ZNF330: variants seen among roughly 807,000 people sequenced by gnomAD.
ZNF330 encodes zinc finger protein 330.
ZNF330 carries 31 observed loss-of-function variants against 45.5 expected under a neutral mutation model. That is an observed-to-expected ratio of 0.68 (90% CI 0.51 to 0.92). ZNF330 has a LOEUF of 0.92. Ranked by LOEUF, ZNF330 falls within the 40% of genes least tolerant of loss-of-function variation. The pLI, the probability that ZNF330 is intolerant of heterozygous loss-of-function variation, is 0.00. For missense variants in ZNF330, 356 were observed against 387.4 expected, an observed-to-expected ratio of 0.92 and a Z score of 0.68; for synonymous variants, 138 against 123.2, an observed-to-expected ratio of 1.12 and a Z score of -0.79.
At chr4:141,231,401 C>T (rs1728951946) in intron 7 of ZNF330, 38 bp from the exon 8 acceptor site, 6 of 1,567,984 alleles carry the variant, frequency 3.8e-6, no homozygotes, top group Non-Finnish European at 5.2e-6. Context: ...TTCTAAGAAC[C>T]AAATAACGGG....
Position 141,220,992 on chromosome 4 carries a change from C to T in ZNF330, c.-123C>T, listed in dbSNP as rs1183147636. The stretch of plus-strand genomic sequence containing the variant: ...CCTTCTTTCCCGGAGTCCTGGTCCA[C>T]GAGTTGGATTTACTGCTGTCGCGGG... On this transcript the variant is annotated 5_prime_UTR_variant, in exon 1 of 10. It adds an upstream start codon to the 5' untranslated region. Coordinates refer to ENST00000262990, the MANE Select transcript of ZNF330 (RefSeq NM_014487.6). 1 of 152,358 alleles carries T rather than the reference C, an allele frequency of 6.6e-6. No homozygotes were observed. Among genetic ancestry groups the T allele is most frequent in the East Asian group, 1.9e-4 (1 of 5,194 alleles). 9.4% of individuals were successfully genotyped at this position (152,358 alleles called of 1,614,324 possible).
In ZNF330 at chr4:141,233,840, G is replaced by A. The variant is rs1298423118; in HGVS notation, c.814G>A (p.Glu272Lys). 2 of 1,613,764 alleles carry A rather than the reference G, an allele frequency of 1.2e-6. No individual in the cohort carries two copies. The highest frequency in any genetic ancestry group is 1.7e-6 in the Non-Finnish European group (2 of 1,179,798). ...TGATACCAGCTACCACGATGAGGAG[G>A]AGGATGAGTATGAAGCAGAGGATGA... The part of the protein sequence containing the change: ...YGDTSYHDEE[E>K]DEYEAEDDEE... Residue 272 changes from glutamate (E) to lysine (K), a missense_variant, in exon 10 of 10, where the codon GAG becomes AAG. By Grantham distance (56) the Glu-to-Lys change is moderately conservative. Coordinates refer to ENST00000262990, the MANE Select transcript of ZNF330 (RefSeq NM_014487.6).
chr4:141,224,770 C>A, intron 4 of ZNF330, 93 bp downstream of exon 4: 1 of 1,022,458 alleles, frequency 9.8e-7, no homozygotes, highest in Non-Finnish European at 1.5e-6. Context: ...GGTTACAGTG[C>A]TTACAATTGT....
At chr4:141,224,103 T>G (rs1033190513) in intron 2 of ZNF330, 3 of 294,000 alleles carry the variant, frequency 1.0e-5, no homozygotes, top group African/African-American at 6.6e-5. Context: ...ATGCATTATT[T>G]TAAGGGTCAC....
chr4:141,233,290 C>T (rs1293439158), intron 9 of ZNF330, among the ~76,000 whole-genome samples: 1 of 152,084 alleles, frequency 6.6e-6, no homozygotes, highest in East Asian at 1.9e-4. Flanking sequence ...ATCTTCTGCA[C>T]TGAACTTTGT....
intron 2 of ZNF330, chr4:141,223,996 G>T (rs1040146303): frequency 6.6e-6 from 2 of 303,160 alleles, no homozygotes; most frequent in Non-Finnish European, 1.3e-5. Context: ...GTGATTAGGG[G>T]CCAGATTGTG....
intron 4 of ZNF330, 37 bp downstream of exon 4, chr4:141,224,714 C>G: frequency 1.3e-6 from 2 of 1,566,976 alleles, no homozygotes; most frequent in Non-Finnish European, 8.8e-7. Flanking sequence ...TGCTTTTTAT[C>G]AACTGGTAGT....
chr4:141,233,723 C>G lies in ZNF330; in HGVS notation c.697C>G (p.Leu233Val). 3.7e-6 allele frequency: 6 copies of G among 1,612,860 alleles called. No individual in the cohort carries two copies. Among genetic ancestry groups the G allele is most frequent in the Non-Finnish European group, 5.1e-6 (6 of 1,179,350 alleles). ...TTGTCTGTCTTCTATAGCACGCTCC[C>G]TGAAATTTGGCAGGCAGACTGGAGG... ...TKDLSMSTRS[L>V]KFGRQTGGEE... The change falls in exon 10 of 10, where the codon CTG (leucine) becomes GTG (valine). Residue 233 changes from leucine (L) to valine (V), a missense_variant. Leu to Val is a conservative substitution (Grantham distance 32). Transcript: ENST00000262990.
intron 2 of ZNF330, chr4:141,223,846 C>A: frequency 2.2e-6 from 1 of 454,314 alleles, no homozygotes; most frequent in African/African-American, 2.0e-5. Flanking sequence ...CCAGAACTTT[C>A]AACAGGTAGG....
Position 141,233,887 on chromosome 4 carries a change from C to T in ZNF330, c.861C>T (p.Gly287=), listed in dbSNP as rs1729018758. 2 of 1,613,544 alleles carry T rather than the reference C, an allele frequency of 1.2e-6. No individual in the cohort carries two copies. The highest frequency in any genetic ancestry group is 2.7e-5 in the African/African-American group (2 of 74,842). ...AEDDEEEEDE[G]RKDSDTESSD... ...ATGATGAAGAGGAAGAAGATGAAGG[C>T]AGAAAGGATTCAGATACTGAGTCAT... is the stretch of plus-strand genomic sequence containing the variant. The change falls in exon 10 of 10, where the codon GGC becomes GGT. Residue 287 remains glycine (G), a synonymous_variant. Transcript: ENST00000262990.
chr4:141,230,421 ACAGT>A, intron 7 of ZNF330, 151 bp downstream of exon 7: 1 of 554,964 alleles, frequency 1.8e-6, no homozygotes, highest in Non-Finnish European at 3.1e-6. Context: ...AGAAAACAGA[ACAGT>A]CAGAATATAG....
At chr4:141,222,552 G>T (rs1222265653) in intron 2 of ZNF330, 61 bp downstream of exon 2, 2 of 1,524,822 alleles carry the variant, frequency 1.3e-6, no homozygotes, top group African/African-American at 2.8e-5. Context: ...TTTATCTGAC[G>T]TATACCTGAA....
chr4:141,226,528 G>A (rs529128013), intron 4 of ZNF330, among the ~76,000 whole-genome samples: 12 of 152,196 alleles, frequency 7.9e-5, no homozygotes, highest in South Asian at 6.2e-4. Context: ...CATATATATT[G>A]TATAGTTCAT....
At chr4:141,230,825 A>C (rs1728933234) in intron 7 of ZNF330, among the ~76,000 whole-genome samples, 1 of 152,134 alleles carries the variant, frequency 6.6e-6, no homozygotes, top group Non-Finnish European at 1.5e-5. Flanking sequence ...CGTATTTTCC[A>C]GTTGAGAGCC....
chr4:141,221,019 G>A lies in ZNF330; in HGVS notation c.-96G>A, dbSNP rs1444567373. ...AGTTGGATTTACTGCTGTCGCGGGT[G>A]GGCCTCACGCCATTCCCTGTCCCTC... On this transcript the variant is annotated 5_prime_UTR_variant, in exon 1 of 10. Transcript: ENST00000262990. 1 of 152,362 alleles carries A rather than the reference G, an allele frequency of 6.6e-6. No individual in the cohort carries two copies. Among genetic ancestry groups the A allele is most frequent in the Non-Finnish European group, 1.5e-5 (1 of 68,144 alleles). 9.4% of individuals were successfully genotyped at this position (152,362 alleles called of 1,614,324 possible).
chr4:141,224,746 G>A, intron 4 of ZNF330, 69 bp downstream of exon 4: 1 of 1,347,942 alleles, frequency 7.4e-7, no homozygotes, highest in Non-Finnish European at 1.1e-6. Flanking sequence ...AACTTGGGTG[G>A]GTTTGTTGCT....
intron 5 of ZNF330, among the ~76,000 whole-genome samples, chr4:141,227,292 C>G (rs886906380): frequency 6.6e-6 from 1 of 151,996 alleles, no homozygotes; most frequent in African/African-American, 2.4e-5. Flanking sequence ...TCCCCCCACC[C>G]CACAACAGTC....
At chr4:141,223,881 C>T (rs766361116) in intron 2 of ZNF330, 13 of 441,096 alleles carry the variant, frequency 2.9e-5, no homozygotes, top group South Asian at 4.8e-5. Flanking sequence ...GAAAAGTGTT[C>T]GAATAAGTAA....
At chr4:141,228,704 A>T (rs1053137568) in intron 5 of ZNF330, among the ~76,000 whole-genome samples, 19 of 152,166 alleles carry the variant, frequency 1.2e-4, no homozygotes, top group Admixed American at 1.2e-3. Context: ...CAAGTCAAAA[A>T]ACATTCTTCC....
Sources: allele counts gnomAD v4.1 joint callset (sites outside exome capture counted in the v4.1 genomes callset), GRCh38; gene constraint gnomAD v4.1.1; transcripts MANE v1.5; gene names NCBI Gene and HGNC (gene_info 2026-07-23, HGNC 2026-07-21).